TMEM127: variants seen among roughly 807,000 people sequenced by gnomAD.
TMEM127 encodes the protein transmembrane protein 127.
In TMEM127, 21 loss-of-function variants were observed where a neutral mutation model predicts 20.1. The observed-to-expected ratio is 1.04, with a 90% CI of 0.74 to 1.50. The LOEUF (loss-of-function observed/expected upper bound fraction) is 1.50, where lower values mean the gene tolerates loss of function less well. Ranked by LOEUF, TMEM127 falls within the 40% of genes most tolerant of loss-of-function variation. The pLI, the probability that TMEM127 is intolerant of heterozygous loss-of-function variation, is 0.00. For synonymous variants in TMEM127, 150 were observed against 144.7 expected (o/e 1.04, Z -0.26); for missense variants, 303 against 317.4 (o/e 0.95, Z 0.34).
chr2:96,260,555 C>T (rs1336287568), intron 2 of TMEM127: 1 of 152,202 alleles, frequency 6.6e-6, no homozygotes, highest in Non-Finnish European at 1.5e-5. Context: ...GCCCTCTAGT[C>T]ATCAGGGAAG....
chr2:96,255,883 G>A (rs1391228821), intron 2 of TMEM127, among the ~76,000 whole-genome samples: 1 of 152,134 alleles, frequency 6.6e-6, no homozygotes, highest in Non-Finnish European at 1.5e-5. Flanking sequence ...AGGAGGCTGA[G>A]GCAAGAGGAC....
intron 2 of TMEM127, among the ~76,000 whole-genome samples, chr2:96,262,664 G>A (rs926078728): frequency 6.6e-6 from 1 of 152,224 alleles, no homozygotes; most frequent in Non-Finnish European, 1.5e-5. Flanking sequence ...CTTTGCAAAA[G>A]ACAAAACGGA....
chr2:96,257,596 T>C (rs985586795), intron 2 of TMEM127, among the ~76,000 whole-genome samples: 1 of 151,870 alleles, frequency 6.6e-6, no homozygotes, highest in African/African-American at 2.4e-5. Context: ...CAGGCCATGA[T>C]TAAGTATTTT....
chr2:96,254,348 G>C (rs544314686), intron 3 of TMEM127, among the ~76,000 whole-genome samples: 17 of 152,330 alleles, frequency 1.1e-4, no homozygotes, highest in African/African-American at 3.8e-4. Context: ...GGAGCAAATA[G>C]GGTCATGCAG....
chr2:96,255,646 T>C (rs1573970780), intron 2 of TMEM127, among the ~76,000 whole-genome samples: 1 of 152,210 alleles, frequency 6.6e-6, no homozygotes, highest in South Asian at 2.1e-4. Context: ...AAGGTTCAGT[T>C]TGAAATGATG....
chr2:96,260,585 C>T (rs1684294779), intron 2 of TMEM127: 2 of 152,250 alleles, frequency 1.3e-5, no homozygotes, highest in South Asian at 4.2e-4. Context: ...GTAATAGGAT[C>T]CCATGGAACT....
At chr2:96,256,338 A>G (rs1573971308) in intron 2 of TMEM127, among the ~76,000 whole-genome samples, 3 of 151,656 alleles carry the variant, frequency 2.0e-5, no homozygotes, top group Admixed American at 1.3e-4. Context: ...TTGGGAGGCC[A>G]AGGCGGGCAA....
rs112589965 is a variant in TMEM127, at chr2:96,264,821, A to C, written c.244+317T>G. Reference sequence around the variant, plus strand: ...AAGAAGCTTTTCCGTATTTCACAGGATCCTTAGAAGAGGCCAGCTAACTGT... The same window carrying C: ...AAGAAGCTTTTCCGTATTTCACAGGCTCCTTAGAAGAGGCCAGCTAACTGT... On this transcript the variant is annotated intron_variant, in intron 2 of 3. Transcript: ENST00000258439. 1.4e-3 allele frequency among the ~76,000 whole-genome samples: 218 copies of C among 152,278 alleles called. 5 individuals carry two copies. The East Asian group carries it at 0.035, about 24-fold the overall frequency.
intron 1 of TMEM127, 54 bp from the exon 2 acceptor site, chr2:96,265,566 C>G: frequency 1.5e-6 from 1 of 684,558 alleles, no homozygotes; most frequent in Non-Finnish European, 2.0e-6. Flanking sequence ...CTGACGGAGA[C>G]GGGGAGGGCT....
rs764136807 is a variant in TMEM127 at position 96,265,210 on chromosome 2, C to A, written c.172G>T (p.Gly58Ter). 1 of 1,607,044 alleles carries A rather than the reference C, an allele frequency of 6.2e-7. No individual in the cohort carries two copies. The highest frequency in any genetic ancestry group is 8.5e-7 in the Non-Finnish European group (1 of 1,178,408). Reference protein sequence around the residue: ...LAEPAWLHIHGGTCSRQELGV... With the variant: ...LAEPAWLHIH ...AGCTCCTGGCGCGAACAGGTGCCTCCGTGGATGTGCAACCAGGCGGGCTCG... is the reference window on the plus strand; with the variant it reads ...AGCTCCTGGCGCGAACAGGTGCCTCAGTGGATGTGCAACCAGGCGGGCTCG... Residue 58 changes from glycine to a stop codon, truncating the protein, a stop_gained, in exon 2 of 4, where the codon GGA (glycine) becomes TGA (stop). Coordinates refer to ENST00000258439, the MANE Select transcript of TMEM127 (RefSeq NM_017849.4). LOFTEE classifies it high-confidence loss of function.
Position 96,253,344 on chromosome 2 carries a change from AGGG to A in TMEM127, c.*461_*463del. 8.2e-6 allele frequency: 2 copies of A among 242,990 alleles called. No individual in the cohort carries two copies. The highest frequency in any genetic ancestry group is 5.2e-5 in the Admixed American group (1 of 19,400). The allele number at this position is 242,990 out of a possible 1,614,324, so 15.1% of individuals were successfully genotyped here. The stretch of plus-strand genomic sequence containing the variant: ...TGGGGGCGGGTCACTCCGAGAAGGA[AGGG>A]GTCTGGGGGGCGTCAGCCCAGAGCT... On this transcript the variant is annotated 3_prime_UTR_variant, in exon 4 of 4. Transcript: ENST00000258439. This position sits in a 1 kb window ranked among gnomAD's most constrained non-coding sequence, Gnocchi z 4.3.
intron 2 of TMEM127, among the ~76,000 whole-genome samples, chr2:96,263,090 T>G (rs569406984): frequency 6.7e-6 from 1 of 149,214 alleles, no homozygotes; most frequent in East Asian, 2.0e-4. Flanking sequence ...TCTGCTCTGT[T>G]GCCCAGGCTG....
chr2:96,253,525 G>C lies in TMEM127; in HGVS notation c.*283C>G. The C allele has an allele frequency of 2.1e-6, 1 of 477,692 alleles. No homozygotes were observed. The highest frequency in any genetic ancestry group is 3.4e-5 in the East Asian group (1 of 29,456). 29.6% of individuals were successfully genotyped at this position (477,692 alleles called of 1,614,324 possible). A position where few individuals can be genotyped will look rare whatever the true frequency, so the allele number is the denominator to read the frequency against. ...TCCCAAAGATATCGCCCATGCTGGA[G>C]GAAACTTGGATGACCTTCCCTGGCT... On this transcript the variant is annotated 3_prime_UTR_variant, in exon 4 of 4. Transcript: ENST00000258439. The surrounding 1 kb of genome is among the most constrained non-coding windows in gnomAD (Gnocchi z 4.3).
chr2:96,250,462 T>C lies in TMEM127; in HGVS notation c.*3346A>G, dbSNP rs527464907. On this transcript the variant is annotated 3_prime_UTR_variant, in exon 4 of 4. Transcript: ENST00000258439. ...CCTTTCTGTGGACAAGTCCATCTCC[T>C]GAACTAAGGACATAAAATCCTTGCA... 4.3e-6 allele frequency: 1 copy of C among 232,918 alleles called. No individual in the cohort carries two copies. Among genetic ancestry groups the C allele is most frequent in the African/African-American group, 2.2e-5 (1 of 45,478 alleles). The allele number at this position is 232,918 out of a possible 1,614,324, so 14.4% of individuals were successfully genotyped here.
chr2:96,256,519 C>T (rs1054172564), intron 2 of TMEM127, among the ~76,000 whole-genome samples: 15 of 145,072 alleles, frequency 1.0e-4, no homozygotes, highest in African/African-American at 3.6e-4. Flanking sequence ...TGCGGTGAGC[C>T]GAGATTGCGC....
chr2:96,251,997 T>C lies in TMEM127; in HGVS notation c.*1811A>G, dbSNP rs2104277636. 4.3e-6 allele frequency: 1 copy of C among 233,322 alleles called. No homozygotes were observed. Among genetic ancestry groups the C allele is most frequent in the South Asian group, 1.8e-4 (1 of 5,528 alleles). The allele number at this position is 233,322 out of a possible 1,614,324, so 14.5% of individuals were successfully genotyped here. ...AAACTCAGGACTTAACAGAAAGACTTAGTTCAGTTCCTTGGCTTTGTGCTC... is the reference window on the plus strand; with the variant it reads ...AAACTCAGGACTTAACAGAAAGACTCAGTTCAGTTCCTTGGCTTTGTGCTC... On this transcript the variant is annotated 3_prime_UTR_variant, in exon 4 of 4. Transcript: ENST00000258439.
rs1171618626 is a variant in TMEM127 at position 96,265,203 on chromosome 2, G to A, written c.179C>T (p.Thr60Ile). 1 of 1,607,980 alleles carries A rather than the reference G, an allele frequency of 6.2e-7. No homozygotes were observed. The highest frequency in any genetic ancestry group is 1.1e-5 in the South Asian group (1 of 90,154). The change falls in exon 2 of 4, where the codon ACC (threonine) becomes ATC (isoleucine). Residue 60 changes from threonine (T) to isoleucine (I), a missense_variant. Coordinates refer to ENST00000258439, the MANE Select transcript of TMEM127 (RefSeq NM_017849.4). ...GACCCCCAGCTCCTGGCGCGAACAG[G>A]TGCCTCCGTGGATGTGCAACCAGGC... Reference protein sequence around the residue: ...EPAWLHIHGGTCSRQELGVSD... With the variant: ...EPAWLHIHGGICSRQELGVSD...
At position 96,249,819 on chromosome 2, in the gene TMEM127, T is replaced by C; in HGVS notation, c.*3989A>G. The C allele has an allele frequency of 4.3e-6, 1 of 233,312 alleles. No individual in the cohort carries two copies. The highest frequency in any genetic ancestry group is 2.2e-5 in the African/African-American group (1 of 45,486). 14.5% of individuals were successfully genotyped at this position (233,312 alleles called of 1,614,324 possible). Reference sequence around the variant, plus strand: ...GGCAAGATGCCAGCTGAAGATTCTCTAGTCATCTTGGGAAAGCCGCCCTGC... The same window carrying C: ...GGCAAGATGCCAGCTGAAGATTCTCCAGTCATCTTGGGAAAGCCGCCCTGC... On this transcript the variant is annotated 3_prime_UTR_variant, in exon 4 of 4. Coordinates refer to ENST00000258439, the MANE Select transcript of TMEM127 (RefSeq NM_017849.4).
Position 96,265,338 on chromosome 2 carries a change from C to A in TMEM127, c.44G>T (p.Arg15Leu), listed in dbSNP as rs2104308338. Residue 15 changes from arginine (R) to leucine (L), a missense_variant, in exon 2 of 4, where the codon CGG becomes CTG. Transcript: ENST00000258439. ...CAGAGCGCTGCCTCCCGGGCTCCTC[C>A]GCCGGCGCCCGCCGGGCAGCCCTGC... ...GGAGLPGGRR[R>L]RSPGGSALPK... is the part of the protein sequence containing the mutation. The A allele has an allele frequency of 1.3e-6, 2 of 1,507,934 alleles. No homozygotes were observed. The highest frequency in any genetic ancestry group is 1.8e-6 in the Non-Finnish European group (2 of 1,133,092). The allele number at this position is 1,507,934 out of a possible 1,614,324, so 93.4% of individuals were successfully genotyped here. A position where few individuals can be genotyped will look rare whatever the true frequency, so the allele number is the denominator to read the frequency against.
Sources: gnomAD v4.1 joint callset for allele counts (sites outside exome capture counted in the v4.1 genomes callset) on GRCh38, gnomAD v4.1.1 for gene constraint, Gnocchi (gnomAD v3.1) non-coding constraint, MANE v1.5 for transcripts, NCBI Gene and HGNC (gene_info 2026-07-23, HGNC 2026-07-21) for gene names.